Variants in CXADR observed in about 807,000 individuals in gnomAD.
CXADR encodes the protein CXADR cell adhesion molecule.
CXADR carries 20 observed loss-of-function variants against 40.3 expected under a neutral mutation model. The ratio of observed to expected loss-of-function variants is 0.50; its 90% CI spans 0.35 to 0.72. The LOEUF (loss-of-function observed/expected upper bound fraction) is 0.72. CXADR is among the 30% of genes least tolerant of loss of function. The pLI is 0.01. For synonymous variants in CXADR, 150 were observed against 161.3 expected, an observed-to-expected ratio of 0.93 and a Z score of 0.53; for missense variants, 332 against 449.1, an observed-to-expected ratio of 0.74 and a Z score of 2.36.
rs77521268 is a variant in CXADR, at chr21:17,575,492, A to ATT, written c.1017+9896_1017+9897dup. Among the ~76,000 whole-genome samples the ATT allele has an allele frequency of 4.3e-4, 61 of 141,848 alleles. No homozygotes were observed. In the South Asian group the frequency reaches 0.01, roughly 24 times the overall value. The allele number at this position is 141,848 out of a possible 152,430, so 93.1% of individuals were successfully genotyped here. A position where few individuals can be genotyped will look rare whatever the true frequency, so the allele number is the denominator to read the frequency against. Reference sequence around the variant, plus strand: ...CACCATGCCTGTCCTCAATTGTAAAATTTTTTTTTTTTTTTTGAGGCGGAG... The same window carrying ATT: ...CACCATGCCTGTCCTCAATTGTAAAATTTTTTTTTTTTTTTTTTGAGGCGGAG... On this transcript the variant is annotated intron_variant, in intron 7 of 7. Coordinates refer to the CXADR transcript ENST00000400169.
intron 1 of CXADR, among the ~76,000 whole-genome samples, chr21:17,513,541 C>T (rs2060419961): frequency 6.6e-6 from 1 of 152,250 alleles, no homozygotes; most frequent in African/African-American, 2.4e-5. Flanking sequence ...GCCTTCGTGT[C>T]GGTTCTCTCC....
downstream of CXADR, among the ~76,000 whole-genome samples, chr21:17,595,829 G>C (rs1447211948): frequency 6.6e-6 from 1 of 151,978 alleles, no homozygotes; most frequent in South Asian, 2.1e-4. Context: ...CTGAGTAATA[G>C]AAGAGTTACA....
the CXADR span, among the ~76,000 whole-genome samples, chr21:17,614,524 T>C: frequency 4.6e-5 from 7 of 152,180 alleles, no homozygotes; most frequent in African/African-American, 1.4e-4. Context: ...GAGAGGATCA[T>C]TTGACTCCAG....
At chr21:17,582,167 A>G (rs139260429) in intron 7 of CXADR, among the ~76,000 whole-genome samples, 1 of 151,738 alleles carries the variant, frequency 6.6e-6, no homozygotes, top group African/African-American at 2.4e-5. Flanking sequence ...CTAGCCGAAC[A>G]CACCCAGGTA....
the CXADR span, among the ~76,000 whole-genome samples, chr21:17,601,032 G>A: frequency 6.6e-6 from 1 of 152,130 alleles, no homozygotes; most frequent in Non-Finnish European, 1.5e-5. Flanking sequence ...GCATGGTGGT[G>A]TGCGCCTGTA....
At chr21:17,585,433 G>A (rs1485790013) in intron 7 of CXADR, among the ~76,000 whole-genome samples, 3 of 152,102 alleles carry the variant, frequency 2.0e-5, no homozygotes, top group African/African-American at 4.8e-5. Context: ...CAGTATAGGA[G>A]TATATAAAGT....
the CXADR span, among the ~76,000 whole-genome samples, chr21:17,605,884 T>A: frequency 6.6e-6 from 1 of 152,204 alleles, no homozygotes; most frequent in African/African-American, 2.4e-5. Context: ...CCTAGTTAAG[T>A]CACTGTACCT....
At position 17,567,369 on chromosome 21, in the gene CXADR, T is replaced by C. The variant is rs1484422210; in HGVS notation, c.*1677T>C. The C allele has an allele frequency of 1.0e-6, 1 of 984,948 alleles. No individual in the cohort carries two copies. The highest frequency in any genetic ancestry group is 1.1e-4 in the East Asian group (1 of 8,832). 61.0% of individuals were successfully genotyped at this position (984,948 alleles called of 1,614,324 possible). A position where few individuals can be genotyped will look rare whatever the true frequency, so the allele number is the denominator to read the frequency against. On this transcript the variant is annotated 3_prime_UTR_variant, in exon 7 of 7. Coordinates refer to ENST00000284878, the MANE Select transcript of CXADR (RefSeq NM_001338.5). ...ATTTTAAAAACAGGTTTTAACCTTATGTAAAATTACTTTTATACTCGTGTT... is the reference window on the plus strand; with the variant it reads ...ATTTTAAAAACAGGTTTTAACCTTACGTAAAATTACTTTTATACTCGTGTT...
chr21:17,610,063 A>T, the CXADR span, among the ~76,000 whole-genome samples: 11 of 152,254 alleles, frequency 7.2e-5, no homozygotes, highest in Non-Finnish European at 1.3e-4. Flanking sequence ...TAAGGGAAAG[A>T]AGCCAGTCAC....
the CXADR span, among the ~76,000 whole-genome samples, chr21:17,604,638 G>A: frequency 6.6e-6 from 1 of 152,168 alleles, no homozygotes; most frequent in Non-Finnish European, 1.5e-5. Flanking sequence ...AGCACTACTA[G>A]AAAACCCCCG....
chr21:17,580,519 G>A lies in CXADR; in HGVS notation c.1018-12633G>A, dbSNP rs547403786. 1.2e-3 allele frequency among the ~76,000 whole-genome samples: 186 copies of A among 152,190 alleles called. 2 individuals carry two copies. The highest frequency in any genetic ancestry group is 4.1e-3 in the African/African-American group (169 of 41,518). On this transcript the variant is annotated intron_variant, in intron 7 of 7. Coordinates refer to the CXADR transcript ENST00000400169. ...AGATACTTGGGAGGCTGAAGTAGGA[G>A]GATCACCTGAGCCTGAGGAGGTCAA...
chr21:17,619,882 G>A, the CXADR span, among the ~76,000 whole-genome samples: 2 of 151,952 alleles, frequency 1.3e-5, no homozygotes, highest in South Asian at 2.1e-4. Flanking sequence ...ACCTCTGATA[G>A]CTTCCAACTT....
chr21:17,575,630 A>G (rs932020375), intron 7 of CXADR, among the ~76,000 whole-genome samples: 16 of 151,742 alleles, frequency 1.1e-4, no homozygotes, highest in Non-Finnish European at 2.1e-4. Context: ...AGCTGGGACT[A>G]CAGGTGTCCA....
At chr21:17,595,688 T>A (rs2061495031), downstream of CXADR, among the ~76,000 whole-genome samples, 1 of 151,730 alleles carries the variant, frequency 6.6e-6, no homozygotes, top group Non-Finnish European at 1.5e-5. Context: ...CTCTTACTAT[T>A]AAAAAAACAA....
chr21:17,543,745 G>A (rs920625383), intron 1 of CXADR, among the ~76,000 whole-genome samples: 1 of 152,108 alleles, frequency 6.6e-6, no homozygotes, highest in African/African-American at 2.4e-5. Flanking sequence ...AGAGGTAGCC[G>A]CAATTTGCAA....
At chr21:17,627,607 C>G in the CXADR span, among the ~76,000 whole-genome samples, 2 of 152,088 alleles carry the variant, frequency 1.3e-5, no homozygotes, top group African/African-American at 4.8e-5. Context: ...GAAATATGGT[C>G]TCTACAAAAT....
chr21:17,539,650 G>A (rs1244745760), intron 1 of CXADR, among the ~76,000 whole-genome samples: 1 of 152,160 alleles, frequency 6.6e-6, no homozygotes, highest in African/African-American at 2.4e-5. Flanking sequence ...CATAATGCTT[G>A]ACTTACAGAT....
the CXADR span, among the ~76,000 whole-genome samples, chr21:17,609,972 G>A: frequency 6.6e-6 from 1 of 152,280 alleles, no homozygotes; most frequent in Admixed American, 6.5e-5. Flanking sequence ...GTATATACAT[G>A]TAATGGAATA....
the CXADR span, among the ~76,000 whole-genome samples, chr21:17,626,054 G>A: frequency 6.6e-6 from 1 of 152,098 alleles, no homozygotes; most frequent in Non-Finnish European, 1.5e-5. Context: ...CCATTGTTAT[G>A]GGTTTCAGCC....
Sources: allele counts gnomAD v4.1 joint callset (sites outside exome capture counted in the v4.1 genomes callset), GRCh38; gene constraint gnomAD v4.1.1; transcripts MANE v1.5; gene names NCBI Gene and HGNC (gene_info 2026-07-23, HGNC 2026-07-21).